ARHGAP32: variants seen among roughly 807,000 people sequenced by gnomAD.
The protein encoded by ARHGAP32 is rho GTPase-activating protein 32.
Under a neutral mutation model 186.5 loss-of-function variants are expected in ARHGAP32, and 51 were observed. The ratio of observed to expected loss-of-function variants is 0.27; its 90% CI spans 0.22 to 0.35. The LOEUF is 0.35. ARHGAP32 is among the 10% of genes least tolerant of loss of function. ARHGAP32 has a pLI of 1.00. For synonymous variants in ARHGAP32, 950 were observed against 964.3 expected (o/e 0.99, Z 0.27); for missense variants, 2,186 against 2,623.5 (o/e 0.83, Z 3.64).
rs1019495901 is a variant in ARHGAP32, at chr11:129,164,369, T to C, written c.175A>G (p.Asn59Asp). Residue 59 changes from asparagine to aspartate, a missense_variant, in exon 2 of 23, where the codon AAT (asparagine) becomes GAT (aspartate). Coordinates refer to ENST00000682385, the MANE Select transcript of ARHGAP32 (RefSeq NM_001378024.1). ...EDDFVPELHR[N>D]VHPRERPDWE... Reference sequence around the variant, plus strand: ...TCAGGCCGCTCTCGAGGGTGTACATTTCTATGTAGCTCTGGAACAAAATCA... The same window carrying C: ...TCAGGCCGCTCTCGAGGGTGTACATCTCTATGTAGCTCTGGAACAAAATCA... 6.3e-7 allele frequency: 1 copy of C among 1,584,494 alleles called. No homozygotes were observed.
chr11:129,007,314 G>T (rs779157519), intron 11 of ARHGAP32, among the ~76,000 whole-genome samples: 2 of 151,794 alleles, frequency 1.3e-5, no homozygotes, highest in Non-Finnish European at 2.9e-5. Flanking sequence ...CCACAGCTAG[G>T]AATAAGCTGG....
chr11:129,093,499 T>A, intron 6 of ARHGAP32, 122 bp downstream of exon 6: 3 of 693,970 alleles, frequency 4.3e-6, no homozygotes, highest in Non-Finnish European at 7.6e-6. Context: ...ATTTCAGTAT[T>A]ATATAAGTAT....
intron 12 of ARHGAP32, among the ~76,000 whole-genome samples, chr11:128,994,135 T>C (rs942819735): frequency 1.3e-5 from 2 of 152,052 alleles, no homozygotes; most frequent in African/African-American, 2.4e-5. Context: ...CAGGACAAAT[T>C]GGAAAACTCT....
At chr11:129,067,483 C>T (rs1043560905) in intron 6 of ARHGAP32, among the ~76,000 whole-genome samples, 1 of 152,022 alleles carries the variant, frequency 6.6e-6, no homozygotes, top group Non-Finnish European at 1.5e-5. Context: ...TCTATCACTT[C>T]TTGTTCAGTC....
At chr11:129,107,558 G>A (rs1046266645) in intron 5 of ARHGAP32, among the ~76,000 whole-genome samples, 9 of 152,158 alleles carry the variant, frequency 5.9e-5, no homozygotes, top group African/African-American at 1.7e-4. Context: ...TAATGATGGC[G>A]ATTGAGCTGT....
intron 11 of ARHGAP32, among the ~76,000 whole-genome samples, chr11:129,037,830 C>T (rs911510096): frequency 2.6e-5 from 4 of 151,606 alleles, no homozygotes; most frequent in Non-Finnish European, 5.9e-5. Context: ...AGACTGGGCA[C>T]GGTGGCTCAT....
upstream of ARHGAP32, among the ~76,000 whole-genome samples, chr11:129,195,641 C>T (rs963634296): frequency 3.3e-5 from 5 of 152,056 alleles, no homozygotes; most frequent in African/African-American, 1.2e-4. Context: ...CCACCCGCCT[C>T]GGCTGGAGGT....
At position 128,973,950 on chromosome 11, in the gene ARHGAP32, T is replaced by C. The variant is rs1202442837; in HGVS notation, c.3073+174A>G. 6 of 704,476 alleles carry C rather than the reference T, an allele frequency of 8.5e-6. No individual in the cohort carries two copies. In the African/African-American group the frequency reaches 1.1e-4, roughly 13 times the overall value. The allele number at this position is 704,476 out of a possible 1,614,324, so 43.6% of individuals were successfully genotyped here. On this transcript the variant is annotated intron_variant, in intron 21 of 22. Coordinates refer to ENST00000682385, the MANE Select transcript of ARHGAP32 (RefSeq NM_001378024.1). ...CAGGACCATTGGCCCTTTTGGGGAGTTTTGTTGGACTGCTTTTAATTTAGG... is the reference window on the plus strand; with the variant it reads ...CAGGACCATTGGCCCTTTTGGGGAGCTTTGTTGGACTGCTTTTAATTTAGG...
rs747463963 is a variant in ARHGAP32 at position 128,969,825 on chromosome 11, G to C, written c.5388C>G (p.Asp1796Glu). The part of the protein sequence containing the change: ...QYDNMTPAVQ[D>E]DLGGIYVIHL... Reference sequence around the variant, plus strand: ...GGATGACATAGATCCCACCCAAGTCGTCCTGCACCGCCGGGGTCATGTTAT... The same window carrying C: ...GGATGACATAGATCCCACCCAAGTCCTCCTGCACCGCCGGGGTCATGTTAT... Residue 1796 changes from aspartate (D) to glutamate (E), a missense_variant, in exon 23 of 23, where the codon GAC becomes GAG. Physicochemically the swap from Asp to Glu is conservative, Grantham distance 45 (BLOSUM62 2). This residue lies in a region of ARHGAP32 where 1,502 missense variants were observed against 1,570.0 expected (regional missense o/e 0.96). Transcript: ENST00000682385. This position sits in a 1 kb window ranked among gnomAD's most constrained non-coding sequence, Gnocchi z 4.8. 1.9e-6 allele frequency: 3 copies of C among 1,614,134 alleles called. No homozygotes were observed. The highest frequency in any genetic ancestry group is 1.1e-5 in the South Asian group (1 of 91,076).
intron 1 of ARHGAP32, among the ~76,000 whole-genome samples, chr11:129,251,361 T>C (rs1246721197): frequency 6.6e-6 from 1 of 152,102 alleles, no homozygotes; most frequent in African/African-American, 2.4e-5. Context: ...TAAGTAGAAA[T>C]TGTGCCTCTG....
chr11:129,107,868 C>CAAAAAAAAAAAAAAAAAAA (rs71057924), intron 5 of ARHGAP32, among the ~76,000 whole-genome samples: 1 of 93,404 alleles, frequency 1.1e-5, no homozygotes. Flanking sequence ...AACTATGTTT[C>CAAAAAAAAAAAAAAAAAAA]AAAAAAAAAA....
At position 129,036,658 on chromosome 11, in the gene ARHGAP32, A is replaced by G. The variant is rs569952797; in HGVS notation, c.1045+4270T>C. Among the ~76,000 whole-genome samples, 573 of 152,332 alleles carry G rather than the reference A, an allele frequency of 3.8e-3. 2 individuals carry two copies. The highest frequency in any genetic ancestry group is 0.013 in the African/African-American group (548 of 41,580). The stretch of plus-strand genomic sequence containing the variant: ...CCATTATAATCTCAACAGATGAATA[A>G]AAGCCTTTGGAAAAATTCCTGCACT... On this transcript the variant is annotated intron_variant, in intron 11 of 22. Coordinates refer to ENST00000682385, the MANE Select transcript of ARHGAP32 (RefSeq NM_001378024.1).
At chr11:129,087,971 G>T (rs564647955) in intron 6 of ARHGAP32, among the ~76,000 whole-genome samples, 14 of 152,298 alleles carry the variant, frequency 9.2e-5, no homozygotes. Flanking sequence ...AAAAAAATAA[G>T]TGTCAACTGC....
chr11:129,225,893 C>T (rs10458943), intron 1 of ARHGAP32, among the ~76,000 whole-genome samples: 29,981 of 151,936 alleles, frequency 0.2, 3,138 homozygotes, highest in Non-Finnish European at 0.23. Context: ...TGATGCTTCA[C>T]CAAATAGAGA....
chr11:129,235,034 T>G (rs1033437386), intron 1 of ARHGAP32, among the ~76,000 whole-genome samples: 2 of 152,316 alleles, frequency 1.3e-5, no homozygotes, highest in South Asian at 4.1e-4. Context: ...GATCTTGAGA[T>G]GAACTCATCT....
chr11:129,203,181 C>T (rs945876318), intron 1 of ARHGAP32: 1 of 152,188 alleles, frequency 6.6e-6, no homozygotes, highest in African/African-American at 2.4e-5. Flanking sequence ...CAGATACATT[C>T]GAATCTAGTG....
chr11:129,096,940 CTT>C (rs766934608), intron 5 of ARHGAP32, among the ~76,000 whole-genome samples: 3 of 152,198 alleles, frequency 2.0e-5, no homozygotes, highest in Non-Finnish European at 4.4e-5. Flanking sequence ...AAGGTACAGA[CTT>C]AGGAAAGACA....
intron 1 of ARHGAP32, among the ~76,000 whole-genome samples, chr11:129,207,385 TC>T (rs1232076476): frequency 6.6e-6 from 1 of 152,156 alleles, no homozygotes; most frequent in Non-Finnish European, 1.5e-5. Context: ...TTTCTCCACA[TC>T]CTCTCCAGCA....
intron 12 of ARHGAP32, among the ~76,000 whole-genome samples, chr11:128,994,984 G>A (rs1353013730): frequency 6.6e-6 from 1 of 151,810 alleles, no homozygotes; most frequent in Non-Finnish European, 1.5e-5. Context: ...GTTTAACTTG[G>A]CAAAGAGGGA....
Sources: gnomAD v4.1 joint callset for allele counts (sites outside exome capture counted in the v4.1 genomes callset) on GRCh38, gnomAD v4.1.1 for gene constraint, gnomAD v4.1.1 regional missense constraint, Gnocchi (gnomAD v3.1) non-coding constraint, MANE v1.5 for transcripts, NCBI Gene and HGNC (gene_info 2026-07-23, HGNC 2026-07-21) for gene names.